NDUFA12: variants seen among roughly 807,000 people sequenced by gnomAD.
The protein encoded by NDUFA12 is NADH:ubiquinone oxidoreductase subunit A12.
A neutral mutation model predicts 20.3 loss-of-function variants in NDUFA12; 17 were observed. The observed-to-expected ratio is 0.84, with a 90% confidence interval of 0.57 to 1.26. The LOEUF (loss-of-function observed/expected upper bound fraction) is 1.26, where lower values mean the gene tolerates loss of function less well. Ranked by LOEUF, NDUFA12 falls within the 50% of genes most tolerant of loss-of-function variation. The pLI is 0.00. For missense variants in NDUFA12, 191 were observed against 183.7 expected (o/e 1.04, Z -0.23); for synonymous variants, 72 against 63.6 (o/e 1.13, Z -0.63).
intron 3 of NDUFA12, among the ~76,000 whole-genome samples, chr12:94,980,980 C>T (rs916139013): frequency 5.3e-5 from 8 of 151,958 alleles, no homozygotes; most frequent in African/African-American, 9.7e-5. Context: ...TATATAAATG[C>T]TAACTACCAT....
intron 3 of NDUFA12, among the ~76,000 whole-genome samples, chr12:94,989,335 CTAAA>C (rs1023552156): frequency 7.0e-4 from 106 of 152,212 alleles, no homozygotes; most frequent in African/African-American, 2.5e-3. Context: ...CTGGTAGGTA[CTAAA>C]TAGTTATTTG....
intron 3 of NDUFA12, among the ~76,000 whole-genome samples, chr12:94,991,294 T>C (rs773340959): frequency 2.6e-5 from 4 of 151,624 alleles, no homozygotes; most frequent in Non-Finnish European, 5.9e-5. Context: ...ATATTAATAA[T>C]AATAAAATGT....
At position 94,971,681 on chromosome 12, in the gene NDUFA12, G is replaced by A. The variant is rs1446828392; in HGVS notation, c.258-61C>T. 5.7e-6 allele frequency: 9 copies of A among 1,572,942 alleles called. 1 individual carries two copies. The highest frequency in any genetic ancestry group is 4.5e-5 in the East Asian group (2 of 44,680). Reference sequence around the variant, plus strand: ...AGGCAGTACAGCATAGTGGAAGGACGGTTAAAAACGTAGCCCTGGAACTAT... The same window carrying A: ...AGGCAGTACAGCATAGTGGAAGGACAGTTAAAAACGTAGCCCTGGAACTAT... On this transcript the variant is annotated intron_variant, in intron 3 of 3. Coordinates refer to ENST00000327772, the MANE Select transcript of NDUFA12 (RefSeq NM_018838.5).
At chr12:94,985,548 AC>A (rs1234368810) in intron 3 of NDUFA12, among the ~76,000 whole-genome samples, 3 of 145,556 alleles carry the variant, frequency 2.1e-5, no homozygotes, top group Non-Finnish European at 3.0e-5. Context: ...AATGACGTGA[AC>A]CTGGGAGGTG....
intron 3 of NDUFA12, among the ~76,000 whole-genome samples, chr12:94,981,114 A>G (rs1874223233): frequency 1.3e-5 from 2 of 152,208 alleles, no homozygotes; most frequent in African/African-American, 2.4e-5. Context: ...AAGAGAAAAA[A>G]AAAGAAAGAA....
chr12:95,000,872 C>T (rs7957645), intron 2 of NDUFA12, among the ~76,000 whole-genome samples: 72,492 of 152,094 alleles, frequency 0.48, 17,990 homozygotes, highest in African/African-American at 0.6. Flanking sequence ...TTAACAACAA[C>T]GTATTCCAAA....
intron 3 of NDUFA12, among the ~76,000 whole-genome samples, chr12:94,978,073 C>G (rs1565813314): frequency 6.6e-6 from 1 of 152,202 alleles, no homozygotes; most frequent in Non-Finnish European, 1.5e-5. Flanking sequence ...TCAGAGTCAA[C>G]AGGGCTGTGA....
chr12:94,972,883 G>A (rs199676288), intron 3 of NDUFA12, among the ~76,000 whole-genome samples: 1 of 96,534 alleles, frequency 1.0e-5, no homozygotes. Context: ...ACAGAGTGCA[G>A]GAAGCTAAGC....
intron 3 of NDUFA12, chr12:94,972,552 G>A (rs1489099924): frequency 2.5e-6 from 1 of 407,864 alleles, no homozygotes; most frequent in Non-Finnish European, 5.1e-6. Flanking sequence ...TAGAGAATAT[G>A]CAACTTGTTA....
intron 2 of NDUFA12, among the ~76,000 whole-genome samples, chr12:95,000,637 A>T (rs2136073572): frequency 6.6e-6 from 1 of 152,298 alleles, no homozygotes; most frequent in South Asian, 2.1e-4. Flanking sequence ...GAAGTTAATT[A>T]AGTTAACCAG....
chr12:94,999,938 G>A (rs1874965967), intron 2 of NDUFA12, among the ~76,000 whole-genome samples: 1 of 152,130 alleles, frequency 6.6e-6, no homozygotes, highest in African/African-American at 2.4e-5. Context: ...AGAACTGAAG[G>A]CAGAACTACC....
intron 3 of NDUFA12, among the ~76,000 whole-genome samples, chr12:94,990,521 G>A (rs1190462621): frequency 1.3e-5 from 2 of 152,126 alleles, no homozygotes; most frequent in African/African-American, 4.8e-5. Flanking sequence ...CCCCTGGGCT[G>A]AAGGGATCCT....
intron 3 of NDUFA12, among the ~76,000 whole-genome samples, chr12:94,977,777 A>T (rs2136059902): frequency 6.6e-6 from 1 of 152,350 alleles, no homozygotes; most frequent in South Asian, 2.1e-4. Flanking sequence ...GCACTGTTCC[A>T]ACATGGTATT....
At chr12:95,000,847 AGGT>A in intron 2 of NDUFA12, among the ~76,000 whole-genome samples, 1 of 152,366 alleles carries the variant, frequency 6.6e-6, no homozygotes, top group South Asian at 2.1e-4. Flanking sequence ...TTAAATTTAT[AGGT>A]TTATATCATT....
chr12:94,983,920 T>C (rs1373125817), intron 3 of NDUFA12, among the ~76,000 whole-genome samples: 1 of 150,026 alleles, frequency 6.7e-6, no homozygotes, highest in Non-Finnish European at 1.5e-5. Context: ...AGGGAGGGTG[T>C]TGCGGTAGCC....
chr12:95,001,906 C>T (rs1221529502), intron 2 of NDUFA12, among the ~76,000 whole-genome samples: 3 of 151,614 alleles, frequency 2.0e-5, no homozygotes, highest in Non-Finnish European at 2.9e-5. Flanking sequence ...GGTTTCACCA[C>T]GTTGGGCAGG....
At chr12:94,977,613 A>G (rs1261950608) in intron 3 of NDUFA12, among the ~76,000 whole-genome samples, 1 of 152,218 alleles carries the variant, frequency 6.6e-6, no homozygotes, top group Non-Finnish European at 1.5e-5. Flanking sequence ...TTCATTAGAA[A>G]GCTATAAAGG....
chr12:94,999,844 TG>T (rs1565820108), intron 2 of NDUFA12, among the ~76,000 whole-genome samples: 1 of 152,198 alleles, frequency 6.6e-6, no homozygotes. Context: ...AGTGTGGATG[TG>T]GTGAAAACAC....
intron 2 of NDUFA12, 94 bp downstream of exon 2, chr12:95,002,645 G>A (rs527527495): frequency 2.2e-6 from 2 of 909,394 alleles, no homozygotes; most frequent in African/African-American, 1.6e-5. Flanking sequence ...TTTTCCAGGT[G>A]TTTTGTAAAA....
Sources: gnomAD v4.1 joint callset for allele counts (sites outside exome capture counted in the v4.1 genomes callset) on GRCh38, gnomAD v4.1.1 for gene constraint, MANE v1.5 for transcripts, NCBI Gene and HGNC (gene_info 2026-07-23, HGNC 2026-07-21) for gene names.